Variants in EYS observed in about 807,000 individuals in gnomAD.
EYS encodes the protein EGF-like photoreceptor maintenance factor.
Under a neutral mutation model 282.1 loss-of-function variants are expected in EYS, and 250 were observed. The observed-to-expected ratio is 0.89, with a 90% CI of 0.80 to 0.98. EYS has a LOEUF of 0.98. Among genes scored for constraint, EYS ranks in the 50% least tolerant of loss-of-function variants. EYS has a pLI of 0.00. For missense variants in EYS, 4,016 were observed against 3,709.0 expected, an observed-to-expected ratio of 1.08 and a Z score of -2.15; for synonymous variants, 1,355 against 1,282.9, an observed-to-expected ratio of 1.06 and a Z score of -1.20.
chr6:64,263,711 T>C (rs2150354198), intron 30 of EYS, among the ~76,000 whole-genome samples: 1 of 152,248 alleles, frequency 6.6e-6, no homozygotes, highest in East Asian at 1.9e-4. Flanking sequence ...CTCTGACGAT[T>C]GGCTGAAACC....
chr6:65,011,809 G>A (rs1771879924), intron 13 of EYS, among the ~76,000 whole-genome samples: 1 of 152,146 alleles, frequency 6.6e-6, no homozygotes, highest in Non-Finnish European at 1.5e-5. Flanking sequence ...ACAACAGGAG[G>A]TAAAGAAATA....
chr6:64,344,078 A>G (rs1017281918), intron 29 of EYS, among the ~76,000 whole-genome samples: 2 of 151,856 alleles, frequency 1.3e-5, no homozygotes, highest in Non-Finnish European at 2.9e-5. Context: ...CTTACCAACC[A>G]AAAAAAAGTC....
At position 64,102,460 on chromosome 6, in the gene EYS, C is replaced by T. The variant is rs191157544; in HGVS notation, c.6425-20458G>A. The stretch of plus-strand genomic sequence containing the variant: ...ATCTTAAATGATAATAAAAAGAAAC[C>T]CTTCCCATAAGGCAAAACCAAGATG... On this transcript the variant is annotated intron_variant, in intron 31 of 42. Transcript: ENST00000503581. 3.4e-4 allele frequency among the ~76,000 whole-genome samples: 52 copies of T among 152,068 alleles called. No individual in the cohort carries two copies. In the East Asian group the frequency reaches 8.5e-3, roughly 25 times the overall value.
intron 12 of EYS, among the ~76,000 whole-genome samples, chr6:65,179,125 G>C (rs1765305090): frequency 6.6e-6 from 1 of 151,910 alleles, no homozygotes; most frequent in African/African-American, 2.4e-5. Flanking sequence ...ATCTAAAATT[G>C]ACACCCTAAC....
chr6:64,998,723 T>C (rs1771359489), intron 13 of EYS, among the ~76,000 whole-genome samples: 1 of 152,214 alleles, frequency 6.6e-6, no homozygotes, highest in Non-Finnish European at 1.5e-5. Flanking sequence ...CAGATGTAAT[T>C]GTAAATGAAT....
intron 5 of EYS, among the ~76,000 whole-genome samples, chr6:65,426,880 A>G (rs1312289666): frequency 1.3e-5 from 2 of 152,092 alleles, no homozygotes; most frequent in Non-Finnish European, 2.9e-5. Context: ...TCTTTTGTTT[A>G]CATACATGGA....
At chr6:63,818,096 C>T (rs1428871676) in intron 36 of EYS, among the ~76,000 whole-genome samples, 1 of 152,118 alleles carries the variant, frequency 6.6e-6, no homozygotes, top group Non-Finnish European at 1.5e-5. Flanking sequence ...ACAAATCCAC[C>T]TTTTTGAAAT....
At chr6:64,897,976 T>C (rs1767528676) in intron 18 of EYS, among the ~76,000 whole-genome samples, 2 of 152,176 alleles carry the variant, frequency 1.3e-5, no homozygotes, top group Non-Finnish European at 2.9e-5. Context: ...AAACCTACAT[T>C]TGATTGGTGT....
At chr6:64,708,279 A>G (rs1048413080) in intron 22 of EYS, among the ~76,000 whole-genome samples, 3 of 152,232 alleles carry the variant, frequency 2.0e-5, no homozygotes, top group African/African-American at 7.2e-5. Context: ...TGCGTATGAC[A>G]GGGAAACCCT....
intron 14 of EYS, among the ~76,000 whole-genome samples, chr6:64,965,594 T>C (rs1399503292): frequency 6.6e-6 from 1 of 152,044 alleles, no homozygotes; most frequent in African/African-American, 2.4e-5. Flanking sequence ...GGAAATTTTC[T>C]AACTCATGAG....
At chr6:65,514,526 C>T (rs1393430485) in intron 2 of EYS, among the ~76,000 whole-genome samples, 2 of 152,184 alleles carry the variant, frequency 1.3e-5, no homozygotes, top group Non-Finnish European at 2.9e-5. Flanking sequence ...ATCACACTAC[C>T]TGACTTCAAA....
chr6:65,541,527 C>A (rs1582433949), intron 2 of EYS, among the ~76,000 whole-genome samples: 1 of 152,062 alleles, frequency 6.6e-6, no homozygotes, highest in Non-Finnish European at 1.5e-5. Flanking sequence ...TTGTTATAAT[C>A]CAGACTATAT....
chr6:64,860,830 A>G (rs950583717), intron 19 of EYS, among the ~76,000 whole-genome samples: 2 of 152,198 alleles, frequency 1.3e-5, no homozygotes, highest in African/African-American at 2.4e-5. Flanking sequence ...TTATTGAGCA[A>G]TAGAACAGCT....
rs1360804477 is a variant in EYS, at chr6:64,046,662, A to T, written c.6725+19676T>A. On this transcript the variant is annotated intron_variant, in intron 33 of 42. Transcript: ENST00000503581. Reference sequence around the variant, plus strand: ...TCAAAAGCTGCCTAAGTGTCTTTAAAAACAAGAGGACAACTGAATTGTAAG... The same window carrying T: ...TCAAAAGCTGCCTAAGTGTCTTTAATAACAAGAGGACAACTGAATTGTAAG... Among the ~76,000 whole-genome samples, 3 of 152,208 alleles carry T rather than the reference A, an allele frequency of 2.0e-5. No individual in the cohort carries two copies. The East Asian group carries it at 5.8e-4, about 29-fold the overall frequency.
In EYS at chr6:65,205,576, C is replaced by G. The variant is rs117602627; in HGVS notation, c.2023+90287G>C. Among the ~76,000 whole-genome samples, 181 of 151,942 alleles carry G rather than the reference C, an allele frequency of 1.2e-3. 5 individuals carry two copies. In the East Asian group the frequency reaches 0.028, roughly 23 times the overall value. On this transcript the variant is annotated intron_variant, in intron 12 of 42. Coordinates refer to ENST00000503581, the MANE Select transcript of EYS (RefSeq NM_001142800.2). ...TCCTAATAGACATTTACAGAACATTCCACTGAACAACCAGAGGGAATACAT... is the reference window on the plus strand; with the variant it reads ...TCCTAATAGACATTTACAGAACATTGCACTGAACAACCAGAGGGAATACAT...
At chr6:64,522,096 G>C (rs1777761086) in intron 26 of EYS, among the ~76,000 whole-genome samples, 1 of 151,822 alleles carries the variant, frequency 6.6e-6, no homozygotes, top group African/African-American at 2.4e-5. Flanking sequence ...GATATTTGAA[G>C]ACGAGGTGCT....
At chr6:64,430,348 T>A (rs1774536698) in intron 28 of EYS, among the ~76,000 whole-genome samples, 1 of 152,212 alleles carries the variant, frequency 6.6e-6, no homozygotes, top group Non-Finnish European at 1.5e-5. Context: ...TATGCGCCAG[T>A]ACGCCGGGTG....
chr6:64,571,806 C>T (rs1765736094), intron 26 of EYS, among the ~76,000 whole-genome samples: 1 of 152,000 alleles, frequency 6.6e-6, no homozygotes, highest in Admixed American at 6.6e-5. Flanking sequence ...CGAAAAAATG[C>T]CCAGGATCAG....
chr6:63,947,863 CT>C (rs1477594909), intron 35 of EYS, among the ~76,000 whole-genome samples: 5 of 152,128 alleles, frequency 3.3e-5, no homozygotes, highest in African/African-American at 7.2e-5. Flanking sequence ...GAAAACAGAG[CT>C]GTTTCATACT....
Sources: gnomAD v4.1 joint callset for allele counts (sites outside exome capture counted in the v4.1 genomes callset) on GRCh38, gnomAD v4.1.1 for gene constraint, MANE v1.5 for transcripts, NCBI Gene and HGNC (gene_info 2026-07-23, HGNC 2026-07-21) for gene names.